The following PDCD10 variants were observed in gnomAD, a reference collection of about 807,000 sequenced individuals.
PDCD10 encodes the protein programmed cell death protein 10.
Under a neutral mutation model 29.2 loss-of-function variants are expected in PDCD10, and 4 were observed. That is an observed-to-expected ratio of 0.14 (90% CI 0.07 to 0.31). The LOEUF (loss-of-function observed/expected upper bound fraction) is 0.31, where lower values mean the gene tolerates loss of function less well. Ranked by LOEUF, PDCD10 falls within the 10% of genes least tolerant of loss-of-function variation. PDCD10 has a pLI of 1.00. For synonymous variants in PDCD10, 70 were observed against 82.2 expected, an observed-to-expected ratio of 0.85 and a Z score of 0.80; for missense variants, 183 against 257.9, an observed-to-expected ratio of 0.71 and a Z score of 1.99.
rs535535855 is a variant in PDCD10, at chr3:167,732,638, C to T, written c.-117+1576G>A. Among the ~76,000 whole-genome samples, 11 of 152,244 alleles carry T rather than the reference C, an allele frequency of 7.2e-5. 1 individual carries two copies. Among genetic ancestry groups the T allele is most frequent in the African/African-American group, 2.6e-4 (11 of 41,546 alleles). On this transcript the variant is annotated intron_variant, in intron 2 of 8. Transcript: ENST00000392750. ...GATAAAGAGTAGTGGCAGAAATGAA[C>T]CAAGAACAAAATCTAAAACACACTG... is the stretch of plus-strand genomic sequence containing the variant.
chr3:167,706,895 A>T (rs1366998990), intron 3 of PDCD10, among the ~76,000 whole-genome samples: 1 of 152,200 alleles, frequency 6.6e-6, no homozygotes, highest in Non-Finnish European at 1.5e-5. Context: ...AAAATATGTT[A>T]TCTTCTTCTC....
At chr3:167,731,249 C>T (rs752157213) in intron 2 of PDCD10, among the ~76,000 whole-genome samples, 1 of 152,028 alleles carries the variant, frequency 6.6e-6, no homozygotes, top group Non-Finnish European at 1.5e-5. Context: ...AAGTTTCTTC[C>T]ATGTCTATAT....
intron 4 of PDCD10, chr3:167,697,997 A>G (rs1720985146): frequency 1.1e-5 from 5 of 456,510 alleles, no homozygotes; most frequent in Non-Finnish European, 2.2e-5. Flanking sequence ...AAACAGCAAA[A>G]TAGAAACACA....
chr3:167,726,537 G>A (rs73878770), intron 2 of PDCD10, among the ~76,000 whole-genome samples: 2,985 of 152,184 alleles, frequency 0.02, 85 homozygotes, highest in African/African-American at 0.067. Flanking sequence ...TGCTCAGCTG[G>A]ATGCTATCAT....
intron 3 of PDCD10, among the ~76,000 whole-genome samples, chr3:167,706,355 T>C (rs1194489928): frequency 1.3e-5 from 2 of 152,184 alleles, no homozygotes; most frequent in Non-Finnish European, 2.9e-5. Context: ...GGGATGGATA[T>C]GTTTTGAGAA....
intron 6 of PDCD10, among the ~76,000 whole-genome samples, chr3:167,692,325 T>A (rs1254552927): frequency 6.6e-6 from 1 of 152,228 alleles, no homozygotes; most frequent in Non-Finnish European, 1.5e-5. Context: ...AATTCATTTA[T>A]GTTTCATAAA....
intron 5 of PDCD10, 24 bp downstream of exon 5, chr3:167,696,985 A>T: frequency 1.7e-6 from 2 of 1,159,044 alleles, no homozygotes; most frequent in Non-Finnish European, 2.6e-6. Context: ...TGTATAACTT[A>T]AACAAGGTTC....
intron 3 of PDCD10, 106 bp from the exon 4 acceptor site, chr3:167,705,001 C>T (rs905329680): frequency 1.5e-6 from 1 of 681,484 alleles, no homozygotes; most frequent in Non-Finnish European, 2.6e-6. Context: ...AACATTTAAT[C>T]AACATTCTTG....
chr3:167,716,665 T>C (rs960038317), intron 3 of PDCD10, among the ~76,000 whole-genome samples: 1 of 151,696 alleles, frequency 6.6e-6, no homozygotes, highest in Admixed American at 6.6e-5. Context: ...CTAGGAAAAA[T>C]TAAGAGTTCC....
chr3:167,709,202 T>C lies in PDCD10; in HGVS notation c.97-4307A>G, dbSNP rs143771289. ...CAAGATGGCCGAATCAAAGCCTCCA[T>C]TGATGGTCCCCTCTGCAGGAATACC... On this transcript the variant is annotated intron_variant, in intron 3 of 8. Transcript: ENST00000392750. 2.5e-3 allele frequency among the ~76,000 whole-genome samples: 380 copies of C among 151,474 alleles called. 2 individuals are homozygous for C. The highest frequency in any genetic ancestry group is 8.5e-3 in the African/African-American group (352 of 41,336).
At chr3:167,728,101 A>G (rs915864066) in intron 2 of PDCD10, among the ~76,000 whole-genome samples, 4 of 152,190 alleles carry the variant, frequency 2.6e-5, no homozygotes, top group Admixed American at 1.3e-4. Context: ...TCACTTCGCA[A>G]AAGTGTGATT....
At chr3:167,688,135 T>G (rs747668637) in intron 6 of PDCD10, among the ~76,000 whole-genome samples, 3 of 152,240 alleles carry the variant, frequency 2.0e-5, no homozygotes, top group Non-Finnish European at 4.4e-5. Context: ...TATTCTGCAT[T>G]ACATATAACT....
At chr3:167,717,626 T>C (rs1241385835) in intron 3 of PDCD10, among the ~76,000 whole-genome samples, 5 of 152,070 alleles carry the variant, frequency 3.3e-5, no homozygotes, top group Non-Finnish European at 4.4e-5. Context: ...ATAATAATCC[T>C]AGTATTTCAT....
At chr3:167,714,646 A>G (rs1291963807) in intron 3 of PDCD10, among the ~76,000 whole-genome samples, 1 of 152,022 alleles carries the variant, frequency 6.6e-6, no homozygotes, top group African/African-American at 2.4e-5. Flanking sequence ...ATATGCCGAC[A>G]GTGAAAAATC....
intron 2 of PDCD10, among the ~76,000 whole-genome samples, chr3:167,725,675 T>C (rs1437322993): frequency 6.6e-6 from 1 of 150,656 alleles, no homozygotes; most frequent in Non-Finnish European, 1.5e-5. Flanking sequence ...ACTGTCAGTT[T>C]AGTACTTACA....
intron 3 of PDCD10, among the ~76,000 whole-genome samples, chr3:167,712,512 A>AACC (rs1722617736): frequency 6.6e-6 from 1 of 152,074 alleles, no homozygotes; most frequent in Admixed American, 6.6e-5. Context: ...CACCAGAGAA[A>AACC]ACCACCTTTG....
intron 6 of PDCD10, among the ~76,000 whole-genome samples, chr3:167,691,939 G>C (rs1171192791): frequency 6.6e-6 from 1 of 152,162 alleles, no homozygotes; most frequent in African/African-American, 2.4e-5. Flanking sequence ...TAAATGTAAA[G>C]TGATTAAAAT....
chr3:167,706,795 T>G (rs1448557026), intron 3 of PDCD10, among the ~76,000 whole-genome samples: 1 of 152,244 alleles, frequency 6.6e-6, no homozygotes, highest in Non-Finnish European at 1.5e-5. Flanking sequence ...ATATATCCAT[T>G]GTTTGAACTG....
chr3:167,706,750 T>C (rs1027503680), intron 3 of PDCD10, among the ~76,000 whole-genome samples: 1 of 152,226 alleles, frequency 6.6e-6, no homozygotes, highest in African/African-American at 2.4e-5. Flanking sequence ...TCATATGGTA[T>C]TGATATATTC....
Sources: gnomAD v4.1 joint callset for allele counts (sites outside exome capture counted in the v4.1 genomes callset) on GRCh38, gnomAD v4.1.1 for gene constraint, MANE v1.5 for transcripts, NCBI Gene and HGNC (gene_info 2026-07-23, HGNC 2026-07-21) for gene names.